The following IGFL2 variants were observed in gnomAD, a reference collection of about 807,000 sequenced individuals.
IGFL2 encodes the protein insulin growth factor-like family member 2.
Under a neutral mutation model 13.9 loss-of-function variants are expected in IGFL2, and 7 were observed. The ratio of observed to expected loss-of-function variants is 0.51; its 90% confidence interval spans 0.29 to 0.95. The LOEUF is 0.95. IGFL2 is among the 40% of genes least tolerant of loss of function. The pLI, the probability that IGFL2 is intolerant of heterozygous loss-of-function variation, is 0.08. For missense variants in IGFL2, 138 were observed against 147.8 expected (o/e 0.93, Z 0.34); for synonymous variants, 55 against 55.8 (o/e 0.99, Z 0.07).
chr19:46,209,861 CTG>C, the IGFL2 span: 6 of 152,214 alleles, frequency 3.9e-5, no homozygotes, highest in Non-Finnish European at 5.9e-5. Context: ...CCAGTAATGA[CTG>C]TGGATTTTTT....
At chr19:46,149,135 A>C (rs1600897365) in intron 1 of IGFL2, 1 of 823,660 alleles carries the variant, frequency 1.2e-6, no homozygotes, top group Non-Finnish European at 2.0e-6. Flanking sequence ...TTTTTGGGCA[A>C]CCATCTCTCT....
chr19:46,191,974 T>C, the IGFL2 span, among the ~76,000 whole-genome samples: 1 of 152,256 alleles, frequency 6.6e-6, no homozygotes, highest in East Asian at 1.9e-4. Context: ...ATTTTATACA[T>C]GTGAGAGGTG....
upstream of IGFL2, among the ~76,000 whole-genome samples, chr19:46,139,341 CA>C (rs1425033447): frequency 6.7e-5 from 3 of 45,036 alleles, no homozygotes; most frequent in Non-Finnish European, 1.3e-4. Flanking sequence ...CAATCAAAAC[CA>C]ATTTTTTTTT....
At chr19:46,161,320 T>A, downstream of IGFL2, 6 of 204,504 alleles carry the variant, frequency 2.9e-5, no homozygotes, top group East Asian at 8.5e-5. Context: ...TCTCCTTTCT[T>A]TTTTTTTTTT....
chr19:46,160,345 G>T, intron 1 of IGFL2, 70 bp from the exon 2 acceptor site: 1 of 1,417,190 alleles, frequency 7.1e-7, no homozygotes. Context: ...ACCCTGGCCT[G>T]CCCTCCCTGA....
the IGFL2 span, chr19:46,189,828 C>T: frequency 1.3e-5 from 2 of 152,046 alleles, no homozygotes; most frequent in Non-Finnish European, 2.9e-5. Context: ...TATCTACGAT[C>T]TATATCTAGT....
upstream of IGFL2, among the ~76,000 whole-genome samples, chr19:46,146,299 T>C (rs1047818864): frequency 6.6e-6 from 1 of 152,214 alleles, no homozygotes; most frequent in African/African-American, 2.4e-5. Context: ...ATTCTGTTCC[T>C]TTGATCTATG....
At chr19:46,214,941 A>C in the IGFL2 span, 1 of 151,422 alleles carries the variant, frequency 6.6e-6, no homozygotes, top group South Asian at 2.1e-4. Context: ...TCCTCAGCAC[A>C]AAGTGCCTTG....
the IGFL2 span, among the ~76,000 whole-genome samples, chr19:46,080,017 G>A: frequency 7.1e-6 from 1 of 141,704 alleles, no homozygotes; most frequent in Non-Finnish European, 1.5e-5. Flanking sequence ...GTGCGTCAGA[G>A]GGCCACATCC....
the IGFL2 span, among the ~76,000 whole-genome samples, chr19:46,193,573 A>G: frequency 6.6e-6 from 1 of 152,132 alleles, no homozygotes; most frequent in Non-Finnish European, 1.5e-5. Context: ...TCTCCACTTA[A>G]TAAGGAAAGA....
downstream of IGFL2, among the ~76,000 whole-genome samples, chr19:46,165,232 C>T (rs556470330): frequency 6.6e-6 from 1 of 152,214 alleles, no homozygotes; most frequent in African/African-American, 2.4e-5. Flanking sequence ...GAGGTTAGGG[C>T]GCAGCCTGTG....
At chr19:46,132,660 T>G in the IGFL2 span, among the ~76,000 whole-genome samples, 2 of 130,504 alleles carry the variant, frequency 1.5e-5, no homozygotes, top group African/African-American at 2.9e-5. Flanking sequence ...GGGAAAACGA[T>G]AGAGGGAGAG....
chr19:46,197,300 C>T, the IGFL2 span: 1 of 187,512 alleles, frequency 5.3e-6, no homozygotes, highest in Non-Finnish European at 1.1e-5. Context: ...GGTCCTGTCT[C>T]CTCCATGAGA....
the IGFL2 span, among the ~76,000 whole-genome samples, chr19:46,093,025 G>C: frequency 4.6e-5 from 7 of 152,042 alleles, no homozygotes; most frequent in South Asian, 6.2e-4. Flanking sequence ...ATTAAAGTTC[G>C]CCTCAAGCTA....
chr19:46,136,648 G>T, the IGFL2 span: 1 of 418,478 alleles, frequency 2.4e-6, no homozygotes, highest in Non-Finnish European at 4.6e-6. Context: ...CCCATGTGCA[G>T]ATATTAATAA....
chr19:46,100,027 C>A, the IGFL2 span, among the ~76,000 whole-genome samples: 1 of 151,994 alleles, frequency 6.6e-6, no homozygotes, highest in East Asian at 1.9e-4. Context: ...CTCCTATGAC[C>A]CTTTATCATG....
chr19:46,167,614 C>G, the IGFL2 span, among the ~76,000 whole-genome samples: 1 of 152,176 alleles, frequency 6.6e-6, no homozygotes, highest in Non-Finnish European at 1.5e-5. Context: ...GACAAAAATA[C>G]ATTATCTATT....
the IGFL2 span, among the ~76,000 whole-genome samples, chr19:46,170,936 G>T: frequency 1.3e-5 from 2 of 152,098 alleles, no homozygotes; most frequent in Non-Finnish European, 2.9e-5. Context: ...TTGTGATCTC[G>T]CCCTGACCTT....
rs751686275 is a variant in IGFL2 at position 46,160,822 on chromosome 19, G to C, written c.282G>C (p.Leu94=). ...FGLTNDFVVK[L]KVQGVNSQCH... is the part of the protein sequence containing the mutation. ...TCACAAACGATTTTGTTGTGAAGCTGAAGGTTCAGGGTGTGAATTCCCAGT... is the reference window on the plus strand; with the variant it reads ...TCACAAACGATTTTGTTGTGAAGCTCAAGGTTCAGGGTGTGAATTCCCAGT... The change falls in exon 3 of 4, where the codon CTG becomes CTC. Residue 94 remains leucine (L), a synonymous_variant. Transcript: ENST00000377693. The C allele has an allele frequency of 5.6e-6, 9 of 1,613,862 alleles. No homozygotes were observed. The African/African-American group carries it at 6.7e-5, about 12-fold the overall frequency.
Sources: gnomAD v4.1 joint callset for allele counts (sites outside exome capture counted in the v4.1 genomes callset) on GRCh38, gnomAD v4.1.1 for gene constraint, MANE v1.5 for transcripts, NCBI Gene and HGNC (gene_info 2026-07-23, HGNC 2026-07-21) for gene names.